Variants in INPP4B observed in about 807,000 individuals in gnomAD.
INPP4B encodes inositol polyphosphate 4-phosphatase type II.
INPP4B carries 55 observed loss-of-function variants against 122.5 expected under a neutral mutation model. The observed-to-expected ratio is 0.45, with a 90% confidence interval of 0.36 to 0.56. The LOEUF is 0.56. INPP4B is among the 20% of genes least tolerant of loss of function. INPP4B has a pLI of 0.00. For synonymous variants in INPP4B, 403 were observed against 388.7 expected (o/e 1.04, Z -0.43); for missense variants, 1,000 against 1,097.7 (o/e 0.91, Z 1.26).
chr4:142,364,393 T>C (rs1267928006), intron 7 of INPP4B, among the ~76,000 whole-genome samples: 1 of 151,950 alleles, frequency 6.6e-6, no homozygotes, highest in Non-Finnish European at 1.5e-5. Flanking sequence ...AATAGACTCT[T>C]GGCCTCACGA....
intron 8 of INPP4B, among the ~76,000 whole-genome samples, chr4:142,309,174 T>C (rs1764505907): frequency 6.6e-6 from 1 of 152,114 alleles, no homozygotes; most frequent in Non-Finnish European, 1.5e-5. Flanking sequence ...GTGATTAAGA[T>C]CATATAACCA....
chr4:142,507,516 G>A (rs1369076738), intron 2 of INPP4B, among the ~76,000 whole-genome samples: 1 of 151,884 alleles, frequency 6.6e-6, no homozygotes. Flanking sequence ...TGTTCATGAA[G>A]CAAGCAACTA....
chr4:142,209,792 C>CAAAAAAAA (rs375306534), intron 12 of INPP4B, among the ~76,000 whole-genome samples: 1 of 39,534 alleles, frequency 2.5e-5, no homozygotes, highest in African/African-American at 1.3e-4. Flanking sequence ...GACCCCGTCT[C>CAAAAAAAA]AAAAAAAAAA....
chr4:142,042,328 A>C (rs1017884982), intron 25 of INPP4B, among the ~76,000 whole-genome samples: 3 of 152,150 alleles, frequency 2.0e-5, no homozygotes, highest in Non-Finnish European at 1.5e-5. Flanking sequence ...CAAGCTTGTC[A>C]AAAAAGCAGT....
At chr4:142,556,363 G>A (rs1392757710) in intron 2 of INPP4B, among the ~76,000 whole-genome samples, 3 of 152,194 alleles carry the variant, frequency 2.0e-5, no homozygotes, top group Non-Finnish European at 2.9e-5. Flanking sequence ...CCTGACTCCA[G>A]ACAGGAGTTC....
intron 2 of INPP4B, chr4:142,514,380 A>T (rs1156775921): frequency 6.6e-6 from 1 of 152,136 alleles, no homozygotes; most frequent in African/African-American, 2.4e-5. Context: ...TTCCTCCCTA[A>T]ACTTCCAACC....
chr4:142,281,549 T>G (rs1355186427), intron 9 of INPP4B, among the ~76,000 whole-genome samples: 1 of 151,962 alleles, frequency 6.6e-6, no homozygotes, highest in African/African-American at 2.4e-5. Context: ...TATAGAGAAT[T>G]TGTATGCTTT....
intron 1 of INPP4B, among the ~76,000 whole-genome samples, chr4:142,794,328 G>A (rs1471196826): frequency 6.6e-6 from 1 of 151,922 alleles, no homozygotes; most frequent in Non-Finnish European, 1.5e-5. Context: ...GCAGTAAGAA[G>A]GACCCAGGAT....
At chr4:142,797,156 T>C (rs1777364089) in intron 1 of INPP4B, among the ~76,000 whole-genome samples, 1 of 151,916 alleles carries the variant, frequency 6.6e-6, no homozygotes, top group Non-Finnish European at 1.5e-5. Flanking sequence ...ATGCTTAATC[T>C]AATGGAATGT....
chr4:142,082,124 G>A lies in INPP4B; in HGVS notation c.2549C>T (p.Ser850Leu), dbSNP rs369778611. 5 of 1,540,892 alleles carry A rather than the reference G, an allele frequency of 3.2e-6. No individual in the cohort carries two copies. Among genetic ancestry groups the A allele is most frequent in the African/African-American group, 1.3e-5 (1 of 74,184 alleles). Residue 850 changes from serine (S) to leucine (L), a missense_variant, in exon 25 of 26, where the codon TCG becomes TTG. Coordinates refer to ENST00000262992, the MANE Select transcript of INPP4B (RefSeq NM_001101669.3). ...TCCKSAKDRT[S>L]MSVTLEQCSI... is the part of the protein sequence containing the mutation. ...GCATTGTTCAAGTGTCACTGACATCGATGTCCTGTCTTTGGCACTTTTACA... is the reference window on the plus strand; with the variant it reads ...GCATTGTTCAAGTGTCACTGACATCAATGTCCTGTCTTTGGCACTTTTACA...
At chr4:142,477,610 C>T (rs985079458) in intron 2 of INPP4B, among the ~76,000 whole-genome samples, 20 of 152,038 alleles carry the variant, frequency 1.3e-4, no homozygotes, top group Admixed American at 1.3e-3. Flanking sequence ...CACTTGACCT[C>T]ACAGAAATAC....
In INPP4B at chr4:142,123,518, G is replaced by A. The variant is rs1797453836; in HGVS notation, c.1894-103C>T. The A allele has an allele frequency of 4.6e-6, 5 of 1,079,552 alleles. No homozygotes were observed. In the South Asian group the frequency reaches 8.1e-5, roughly 17 times the overall value. 66.9% of individuals were successfully genotyped at this position (1,079,552 alleles called of 1,614,324 possible). Reference sequence around the variant, plus strand: ...GAGGCATCACAGATTCGATTATCAGGTATGTATAACAAAACTACAACTATT... The same window carrying A: ...GAGGCATCACAGATTCGATTATCAGATATGTATAACAAAACTACAACTATT... On this transcript the variant is annotated intron_variant, in intron 19 of 25. Coordinates refer to ENST00000262992, the MANE Select transcript of INPP4B (RefSeq NM_001101669.3).
intron 1 of INPP4B, among the ~76,000 whole-genome samples, chr4:142,746,078 T>C (rs1346323249): frequency 6.6e-6 from 1 of 152,006 alleles, no homozygotes; most frequent in East Asian, 1.9e-4. Context: ...TGAATAACAC[T>C]ACCTAACCAC....
intron 21 of INPP4B, among the ~76,000 whole-genome samples, chr4:142,113,635 A>T (rs943453028): frequency 7.9e-5 from 12 of 152,000 alleles, no homozygotes; most frequent in Admixed American, 5.9e-4. Flanking sequence ...GGATGTTAGC[A>T]TTACCTTCAG....
chr4:142,595,359 T>C (rs1738476883), intron 2 of INPP4B, among the ~76,000 whole-genome samples: 1 of 152,110 alleles, frequency 6.6e-6, no homozygotes. Flanking sequence ...AATATATTAA[T>C]GACAGAGGAC....
intron 7 of INPP4B, chr4:142,347,401 G>T: frequency 3.2e-6 from 1 of 312,294 alleles, no homozygotes; most frequent in Non-Finnish European, 6.2e-6. Context: ...AGTGCTCTGA[G>T]GGAAAAGTGC....
chr4:142,831,476 T>A (rs938195940), intron 1 of INPP4B, among the ~76,000 whole-genome samples: 13 of 152,236 alleles, frequency 8.5e-5, no homozygotes, highest in African/African-American at 3.1e-4. Context: ...AAAACATTAA[T>A]CTCCCCATAG....
intron 2 of INPP4B, among the ~76,000 whole-genome samples, chr4:142,500,249 G>A (rs979293878): frequency 1.3e-5 from 2 of 152,126 alleles, no homozygotes; most frequent in African/African-American, 4.8e-5. Context: ...TCCTAAGAAG[G>A]CTGACTGCTG....
At chr4:142,135,358 T>C (rs367951751) in intron 18 of INPP4B, among the ~76,000 whole-genome samples, 4 of 152,208 alleles carry the variant, frequency 2.6e-5, no homozygotes, top group African/African-American at 9.7e-5. Context: ...AGACCAGTCT[T>C]ATATGGCCTA....
Sources: gnomAD v4.1 joint callset for allele counts (sites outside exome capture counted in the v4.1 genomes callset) on GRCh38, gnomAD v4.1.1 for gene constraint, MANE v1.5 for transcripts, NCBI Gene and HGNC (gene_info 2026-07-23, HGNC 2026-07-21) for gene names.